The following SAP30L variants were observed in gnomAD, a reference collection of about 807,000 sequenced individuals.
SAP30L encodes the protein SAP30 like, also known as histone deacetylase complex subunit SAP30L.
In SAP30L, 10 loss-of-function variants were observed where a neutral mutation model predicts 22.3. The ratio of observed to expected loss-of-function variants is 0.45; its 90% CI spans 0.28 to 0.76. SAP30L has a LOEUF of 0.76. SAP30L is among the 30% of genes least tolerant of loss of function. The pLI is 0.14. For missense variants in SAP30L, 206 were observed against 237.9 expected (o/e 0.87, Z 0.88); for synonymous variants, 91 against 94.1 (o/e 0.97, Z 0.19).
intron 1 of SAP30L, among the ~76,000 whole-genome samples, chr5:154,449,927 G>T (rs555445205): frequency 1.2e-4 from 19 of 152,244 alleles, no homozygotes; most frequent in South Asian, 8.3e-4. Context: ...CACTAATCCA[G>T]CCACATGAAA....
intron 2 of SAP30L, chr5:154,452,516 T>A: frequency 7.1e-6 from 7 of 980,860 alleles, no homozygotes; most frequent in Non-Finnish European, 8.5e-6. Context: ...GCAGCCCAAC[T>A]TTATGGGCCT....
At chr5:154,449,241 T>C (rs377230148) in intron 1 of SAP30L, among the ~76,000 whole-genome samples, 4 of 152,316 alleles carry the variant, frequency 2.6e-5, no homozygotes, top group African/African-American at 7.2e-5. Context: ...CCAGTTGACA[T>C]ATTTCTGCTT....
chr5:154,451,018 C>T (rs886761489), intron 1 of SAP30L, 73 bp from the exon 2 acceptor site: 38 of 1,530,156 alleles, frequency 2.5e-5, no homozygotes, highest in South Asian at 4.5e-5. Flanking sequence ...AAGGAAGCCC[C>T]GCAATTCGAC....
intron 1 of SAP30L, among the ~76,000 whole-genome samples, chr5:154,448,714 A>G (rs141280146): frequency 6.6e-6 from 1 of 152,338 alleles, no homozygotes; most frequent in East Asian, 1.9e-4. Flanking sequence ...TGTACTGGAA[A>G]ACCTGTGTTG....
rs1757298326 is a variant in SAP30L, at chr5:154,457,940, T to G, written c.*1912T>G. ...CCTGCAGGTTAAGGCATTGTTAACT[T>G]GCTCCATGGAAATGTCCATATCTTA... On this transcript the variant is annotated 3_prime_UTR_variant, in exon 4 of 4. Transcript: ENST00000297109. The G allele has an allele frequency of 6.6e-6, 1 of 152,224 alleles. No homozygotes were observed. Among genetic ancestry groups the G allele is most frequent in the Non-Finnish European group, 1.5e-5 (1 of 68,032 alleles). The allele number at this position is 152,224 out of a possible 1,614,324, so 9.4% of individuals were successfully genotyped here.
rs753134395 is a variant in SAP30L at position 154,457,750 on chromosome 5, G to C, written c.*1722G>C. On this transcript the variant is annotated 3_prime_UTR_variant, in exon 4 of 4. Transcript: ENST00000297109. ...TTGTATATAGAATATACTCTGGACT[G>C]TGAGGGCATCCTATTTTGGTATGCC... 3 of 152,204 alleles carry C rather than the reference G, an allele frequency of 2.0e-5. No individual in the cohort carries two copies. Among genetic ancestry groups the C allele is most frequent in the Non-Finnish European group, 4.4e-5 (3 of 68,042 alleles). The allele number at this position is 152,204 out of a possible 1,614,324, so 9.4% of individuals were successfully genotyped here.
chr5:154,447,969 C>CTTTTTTTTTTTTTTTTT (rs140213326), intron 1 of SAP30L, among the ~76,000 whole-genome samples: 517 of 88,406 alleles, frequency 5.8e-3, no homozygotes, highest in African/African-American at 7.1e-3. Context: ...TTTTCTTTTT[C>CTTTTTTTTTTTTTTTTT]TTTTTTTTTT....
At position 154,451,229 on chromosome 5, in the gene SAP30L, A is replaced by G; in HGVS notation, c.324+16A>G. On this transcript the variant is annotated intron_variant, in intron 2 of 3. Coordinates refer to ENST00000297109, the MANE Select transcript of SAP30L (RefSeq NM_024632.6). ...CATTCCTGAGGTAAAGGTCAAAGAA[A>G]CCAGTTGCGGAAGCTGGAAGAATGG... 2 of 1,609,860 alleles carry G rather than the reference A, an allele frequency of 1.2e-6. No individual in the cohort carries two copies. The highest frequency in any genetic ancestry group is 1.7e-6 in the Non-Finnish European group (2 of 1,178,348).
rs968707099 is a variant in SAP30L at position 154,461,009 on chromosome 5, T to C, written c.*4981T>C. The C allele has an allele frequency of 1.3e-5, 2 of 152,358 alleles. No individual in the cohort carries two copies. Among genetic ancestry groups the C allele is most frequent in the South Asian group, 4.1e-4 (2 of 4,830 alleles). 9.4% of individuals were successfully genotyped at this position (152,358 alleles called of 1,614,324 possible). On this transcript the variant is annotated 3_prime_UTR_variant, in exon 4 of 4. Transcript: ENST00000297109. ...CATGTTGCAATATCACACGATGGGA[T>C]GGCCCGACTTTTGCTCTTAATAAAT... is the stretch of plus-strand genomic sequence containing the variant.
At position 154,459,356 on chromosome 5, in the gene SAP30L, C is replaced by T. The variant is rs1757328074; in HGVS notation, c.*3328C>T. On this transcript the variant is annotated 3_prime_UTR_variant, in exon 4 of 4. Coordinates refer to ENST00000297109, the MANE Select transcript of SAP30L (RefSeq NM_024632.6). Reference sequence around the variant, plus strand: ...TCCGAGGACAGAGAACCCACTACCTCGTGGAGAAGCCTGTTCTTTGTAAAC... The same window carrying T: ...TCCGAGGACAGAGAACCCACTACCTTGTGGAGAAGCCTGTTCTTTGTAAAC... 1 of 152,256 alleles carries T rather than the reference C, an allele frequency of 6.6e-6. No individual in the cohort carries two copies. Among genetic ancestry groups the T allele is most frequent in the Non-Finnish European group, 1.5e-5 (1 of 68,046 alleles). 9.4% of individuals were successfully genotyped at this position (152,256 alleles called of 1,614,324 possible). A position where few individuals can be genotyped will look rare whatever the true frequency, so the allele number is the denominator to read the frequency against.
In SAP30L at chr5:154,453,399, T is replaced by C; in HGVS notation, c.325-3T>C. The C allele has an allele frequency of 6.2e-7, 1 of 1,611,832 alleles. No individual in the cohort carries two copies. The highest frequency in any genetic ancestry group is 8.5e-7 in the Non-Finnish European group (1 of 1,178,002). ...GATAACATTTTTCTCCTCTTCTCCC[T>C]AGGTTGATCTGTTCCAGCTGCAGGT... On this transcript the variant is annotated splice_region_variant and splice_polypyrimidine_tract_variant and intron_variant, in intron 2 of 3. Transcript: ENST00000297109.
In SAP30L at chr5:154,456,105, G is replaced by A; in HGVS notation, c.*77G>A. The A allele has an allele frequency of 1.4e-6, 2 of 1,452,026 alleles. No individual in the cohort carries two copies. Among genetic ancestry groups the A allele is most frequent in the Non-Finnish European group, 9.3e-7 (1 of 1,077,014 alleles). The allele number at this position is 1,452,026 out of a possible 1,614,324, so 89.9% of individuals were successfully genotyped here. On this transcript the variant is annotated 3_prime_UTR_variant, in exon 4 of 4. Transcript: ENST00000297109. ...TATCTACTACATTTAAGCCCATAAA[G>A]ACTGTTAAATATTATTGTAAATAAA... is the stretch of plus-strand genomic sequence containing the variant.
rs1295714500 is a variant in SAP30L, at chr5:154,458,251, G to C, written c.*2223G>C. The C allele has an allele frequency of 6.6e-6, 1 of 152,156 alleles. No homozygotes were observed. Among genetic ancestry groups the C allele is most frequent in the East Asian group, 1.9e-4 (1 of 5,200 alleles). 9.4% of individuals were successfully genotyped at this position (152,156 alleles called of 1,614,324 possible). On this transcript the variant is annotated 3_prime_UTR_variant, in exon 4 of 4. Transcript: ENST00000297109. ...GTGCTTGTGGAAAGTGGAGGTTGTG[G>C]GCATCTTTTCAACCTTTTCAATCTG... is the stretch of plus-strand genomic sequence containing the variant.
At chr5:154,450,806 T>G (rs977923347) in intron 1 of SAP30L, among the ~76,000 whole-genome samples, 20 of 152,224 alleles carry the variant, frequency 1.3e-4, no homozygotes, top group African/African-American at 4.1e-4. Context: ...CCCTTCACCC[T>G]GAGCATCTCT....
rs1287448535 is a variant in SAP30L, at chr5:154,458,719, C to T, written c.*2691C>T. 6.6e-6 allele frequency: 1 copy of T among 152,140 alleles called. No homozygotes were observed. The highest frequency in any genetic ancestry group is 1.5e-5 in the Non-Finnish European group (1 of 68,032). The allele number at this position is 152,140 out of a possible 1,614,324, so 9.4% of individuals were successfully genotyped here. On this transcript the variant is annotated 3_prime_UTR_variant, in exon 4 of 4. Transcript: ENST00000297109. ...CTTTGATATGCCCTGAAGGTTCTCA[C>T]ATGGAAACATCAGTATCCTGCCATT... is the stretch of plus-strand genomic sequence containing the variant.
intron 3 of SAP30L, among the ~76,000 whole-genome samples, chr5:154,455,244 A>G (rs1207846042): frequency 6.6e-6 from 1 of 152,016 alleles, no homozygotes; most frequent in Admixed American, 6.6e-5. Flanking sequence ...TGTTTTTGAG[A>G]CAAGGTCTTG....
chr5:154,450,782 C>T (rs574039567), intron 1 of SAP30L, among the ~76,000 whole-genome samples: 4 of 152,304 alleles, frequency 2.6e-5, no homozygotes, highest in East Asian at 3.9e-4. Context: ...TAAAGTCCTC[C>T]CTTTTAGTCA....
Position 154,446,297 on chromosome 5 carries a change from C to A in SAP30L, c.-308C>A. On this transcript the variant is annotated 5_prime_UTR_variant, in exon 1 of 4. Transcript: ENST00000297109. Reference sequence around the variant, plus strand: ...TTTCCTGGGACGCCCTCCCGGACACCCCCGCTGCAGGGTTACGGTTCTGGG... The same window carrying A: ...TTTCCTGGGACGCCCTCCCGGACACACCCGCTGCAGGGTTACGGTTCTGGG... 2 of 295,712 alleles carry A rather than the reference C, an allele frequency of 6.8e-6. No homozygotes were observed. The highest frequency in any genetic ancestry group is 1.2e-5 in the Non-Finnish European group (2 of 160,140). 18.3% of individuals were successfully genotyped at this position (295,712 alleles called of 1,614,324 possible).
At chr5:154,455,551 G>C (rs1757246410) in intron 3 of SAP30L, among the ~76,000 whole-genome samples, 1 of 152,242 alleles carries the variant, frequency 6.6e-6, no homozygotes. Context: ...TTCAAGGCCT[G>C]AGAGGTTTGG....
Sources: gnomAD v4.1 joint callset for allele counts (sites outside exome capture counted in the v4.1 genomes callset) on GRCh38, gnomAD v4.1.1 for gene constraint, MANE v1.5 for transcripts, NCBI Gene and HGNC (gene_info 2026-07-23, HGNC 2026-07-21) for gene names.